Variants in GRID2 observed in about 807,000 individuals in gnomAD.
The protein encoded by GRID2 is glutamate ionotropic receptor delta type subunit 2.
Under a neutral mutation model 114.8 loss-of-function variants are expected in GRID2, and 33 were observed. That is an observed-to-expected ratio of 0.29 (90% CI 0.22 to 0.38). The LOEUF is 0.38. GRID2 is among the 10% of genes least tolerant of loss of function. The pLI, the probability that GRID2 is intolerant of heterozygous loss-of-function variation, is 1.00. For missense variants in GRID2, 1,184 were observed against 1,257.7 expected (o/e 0.94, Z 0.89); for synonymous variants, 505 against 449.9 (o/e 1.12, Z -1.55).
chr4:92,629,662 T>C (rs1730692392), intron 2 of GRID2, among the ~76,000 whole-genome samples: 1 of 151,960 alleles, frequency 6.6e-6, no homozygotes, highest in Non-Finnish European at 1.5e-5. Flanking sequence ...AGCCTGTTAG[T>C]GTGTATATGG....
At chr4:92,529,177 T>C (rs1725204416) in intron 1 of GRID2, among the ~76,000 whole-genome samples, 1 of 152,050 alleles carries the variant, frequency 6.6e-6, no homozygotes, top group Non-Finnish European at 1.5e-5. Context: ...TAATTCATCA[T>C]TATCATGTAC....
chr4:93,432,346 GAAGA>G (rs1257933496), intron 10 of GRID2, among the ~76,000 whole-genome samples: 10 of 152,246 alleles, frequency 6.6e-5, no homozygotes, highest in African/African-American at 2.4e-4. Context: ...TGAGATGAAA[GAAGA>G]GCTAAAATGA....
At chr4:93,045,350 G>T (rs780755713) in intron 2 of GRID2, among the ~76,000 whole-genome samples, 31 of 151,934 alleles carry the variant, frequency 2.0e-4, no homozygotes, top group Non-Finnish European at 4.1e-4. Flanking sequence ...TGTGGTATCT[G>T]CCTAGTTTCC....
At position 93,258,296 on chromosome 4, in the gene GRID2, A is replaced by G. The variant is rs183411732; in HGVS notation, c.1245+19806A>G. Among the ~76,000 whole-genome samples the G allele has an allele frequency of 2.0e-5, 3 of 151,826 alleles. No individual in the cohort carries two copies. In the East Asian group the frequency reaches 5.8e-4, roughly 29 times the overall value. On this transcript the variant is annotated intron_variant, in intron 8 of 15. Transcript: ENST00000282020. ...TCACTTGCAATAAGGAAAAAAAATG[A>G]CAATGATAAAAACTAGCAAAGATAT... is the stretch of plus-strand genomic sequence containing the variant.
At chr4:93,794,111 T>C (rs757570137) in intron 1 of GRID2, among the ~76,000 whole-genome samples, 4 of 152,190 alleles carry the variant, frequency 2.6e-5, no homozygotes, top group Admixed American at 6.5e-5. Context: ...TTTGTTTCCA[T>C]TGTGAGTGCT....
chr4:93,279,299 G>A (rs1752401961), intron 8 of GRID2, among the ~76,000 whole-genome samples: 1 of 151,620 alleles, frequency 6.6e-6, no homozygotes, highest in African/African-American at 2.4e-5. Context: ...CACACTACGA[G>A]TACACAAAAT....
At chr4:92,340,665 A>G (rs866504692) in intron 1 of GRID2, among the ~76,000 whole-genome samples, 24 of 152,194 alleles carry the variant, frequency 1.6e-4, no homozygotes, top group African/African-American at 5.3e-4. Context: ...CAGAAGGATG[A>G]TCACCCCTGT....
At chr4:93,793,659 T>G (rs189719770) in intron 1 of GRID2, among the ~76,000 whole-genome samples, 1 of 152,300 alleles carries the variant, frequency 6.6e-6, no homozygotes, top group African/African-American at 2.4e-5. Flanking sequence ...AACAAATGAT[T>G]TGAGAAAACA....
chr4:93,679,543 G>T (rs1725289888), intron 14 of GRID2, among the ~76,000 whole-genome samples: 1 of 150,714 alleles, frequency 6.6e-6, no homozygotes, highest in Non-Finnish European at 1.5e-5. Flanking sequence ...GCACTCCTCA[G>T]CAAATGTAAA....
At chr4:93,375,369 C>A (rs188071120) in intron 8 of GRID2, among the ~76,000 whole-genome samples, 1 of 151,870 alleles carries the variant, frequency 6.6e-6, no homozygotes, top group Non-Finnish European at 1.5e-5. Context: ...CTCACCACCA[C>A]GCCCGGCTAA....
intron 4 of GRID2, among the ~76,000 whole-genome samples, chr4:93,186,047 T>C (rs778450259): frequency 3.3e-5 from 5 of 152,208 alleles, no homozygotes; most frequent in Admixed American, 6.5e-5. Context: ...GTTTCCATCT[T>C]CATCCATGTC....
intron 2 of GRID2, among the ~76,000 whole-genome samples, chr4:93,079,097 A>T (rs933941563): frequency 6.6e-6 from 1 of 151,616 alleles, no homozygotes; most frequent in Non-Finnish European, 1.5e-5. Context: ...TGCTGATCAA[A>T]TGATAAAATG....
intron 13 of GRID2, among the ~76,000 whole-genome samples, chr4:93,619,893 A>G (rs1354087208): frequency 1.3e-5 from 2 of 152,206 alleles, no homozygotes; most frequent in Non-Finnish European, 2.9e-5. Context: ...CTCAAACTCC[A>G]TAGGCTATAC....
At chr4:92,857,451 C>G (rs971556604) in intron 2 of GRID2, among the ~76,000 whole-genome samples, 5 of 152,116 alleles carry the variant, frequency 3.3e-5, no homozygotes, top group Non-Finnish European at 7.4e-5. Context: ...TGCCTTGTTG[C>G]TGATATAGAG....
chr4:92,505,346 C>A (rs1723906205), intron 1 of GRID2, among the ~76,000 whole-genome samples: 2 of 151,994 alleles, frequency 1.3e-5, no homozygotes, highest in Admixed American at 1.3e-4. Flanking sequence ...AGGCAAAATC[C>A]TATGAAGAAG....
At chr4:93,631,331 A>G (rs1028662673) in intron 14 of GRID2, among the ~76,000 whole-genome samples, 3 of 151,930 alleles carry the variant, frequency 2.0e-5, no homozygotes, top group Admixed American at 6.6e-5. Flanking sequence ...CTCATCATTT[A>G]TATTAGGTAT....
chr4:93,730,066 A>G (rs149867371), intron 14 of GRID2, among the ~76,000 whole-genome samples: 1 of 152,214 alleles, frequency 6.6e-6, no homozygotes, highest in African/African-American at 2.4e-5. Flanking sequence ...TGAATACATA[A>G]ATAAGTTGCC....
intron 6 of GRID2, 62 bp from the exon 7 acceptor site, chr4:93,224,552 T>C: frequency 9.3e-7 from 1 of 1,075,580 alleles, no homozygotes; most frequent in Non-Finnish European, 1.4e-6. Context: ...AATTATTTTT[T>C]TTCCTTATTC....
chr4:93,085,005 T>C lies in GRID2; in HGVS notation c.255T>C (p.Leu85=). ...PFQAVQEACE[L]MNQGILALVS... The stretch of plus-strand genomic sequence containing the variant: ...TGTGCTTTCTTGCAGCCTGTGAACT[T>C]ATGAATCAAGGCATCTTGGCCCTGG... Residue 85 remains leucine (L), a synonymous_variant, in exon 3 of 16, where the codon CTT becomes CTC. Transcript: ENST00000282020. The C allele has an allele frequency of 6.2e-7, 1 of 1,613,788 alleles. No homozygotes were observed. Among genetic ancestry groups the C allele is most frequent in the Non-Finnish European group, 8.5e-7 (1 of 1,179,684 alleles).
Sources: gnomAD v4.1 joint callset for allele counts (sites outside exome capture counted in the v4.1 genomes callset) on GRCh38, gnomAD v4.1.1 for gene constraint, MANE v1.5 for transcripts, NCBI Gene and HGNC (gene_info 2026-07-23, HGNC 2026-07-21) for gene names.